Variants in FXR2 observed in about 807,000 individuals in gnomAD.
FXR2 encodes the protein RNA-binding protein FXR2.
Under a neutral mutation model 87.3 loss-of-function variants are expected in FXR2, and 9 were observed. The observed-to-expected ratio is 0.10, with a 90% confidence interval of 0.06 to 0.18. The LOEUF is 0.18. Among genes scored for constraint, FXR2 ranks in the 10% least tolerant of loss-of-function variants. FXR2 has a pLI of 1.00. For synonymous variants in FXR2, 331 were observed against 328.3 expected (o/e 1.01, Z -0.09); for missense variants, 661 against 893.6 (o/e 0.74, Z 3.32).
chr17:7,592,439 C>T lies in FXR2; in HGVS notation c.1825+65G>A. ...CCACTGAACCCGAACCCCTGATTTT[C>T]ACAGGGGTGAGCATCCCATTCTCTC... On this transcript the variant is annotated intron_variant, in intron 15 of 16. Coordinates refer to ENST00000250113, the MANE Select transcript of FXR2 (RefSeq NM_004860.4). The surrounding 1 kb of genome is among the most constrained non-coding windows in gnomAD (Gnocchi z 4.8). 1 of 1,554,970 alleles carries T rather than the reference C, an allele frequency of 6.4e-7. No individual in the cohort carries two copies. The highest frequency in any genetic ancestry group is 1.4e-5 in the African/African-American group (1 of 73,842).
Position 7,591,533 on chromosome 17 carries a change from G to A in FXR2, c.*297C>T, listed in dbSNP as rs2071659860. The A allele has an allele frequency of 2.7e-6, 1 of 367,398 alleles. No individual in the cohort carries two copies. Among genetic ancestry groups the A allele is most frequent in the African/African-American group, 2.1e-5 (1 of 46,784 alleles). 22.8% of individuals were successfully genotyped at this position (367,398 alleles called of 1,614,324 possible). A position where few individuals can be genotyped will look rare whatever the true frequency, so the allele number is the denominator to read the frequency against. On this transcript the variant is annotated 3_prime_UTR_variant, in exon 17 of 17. Transcript: ENST00000250113. This position sits in a 1 kb window ranked among gnomAD's most constrained non-coding sequence, Gnocchi z 4.0. ...CGAGGAGCACCCCCCACCAACAGGT[G>A]GAGAATGGGGGTGTTCAGAGAGAGA...
Position 7,592,681 on chromosome 17 carries a change from G to A in FXR2, c.1729+13C>T, listed in dbSNP as rs1485249636. On this transcript the variant is annotated intron_variant, in intron 14 of 16. Coordinates refer to ENST00000250113, the MANE Select transcript of FXR2 (RefSeq NM_004860.4). This position sits in a 1 kb window ranked among gnomAD's most constrained non-coding sequence, Gnocchi z 4.8. ...CCCATCTCTAACTTTCCAGACCCCA[G>A]GCACACCCTCACCCAGGCCATTCTC... 6.2e-7 allele frequency: 1 copy of A among 1,613,410 alleles called. No individual in the cohort carries two copies.
intron 7 of FXR2, among the ~76,000 whole-genome samples, chr17:7,597,048 C>T (rs972564207): frequency 3.9e-5 from 6 of 151,928 alleles, no homozygotes; most frequent in Non-Finnish European, 7.4e-5. Context: ...TACAGTGAGC[C>T]GAGGTCATGC....
At chr17:7,599,955 T>C (rs1285966171) in intron 7 of FXR2, among the ~76,000 whole-genome samples, 1 of 152,064 alleles carries the variant, frequency 6.6e-6, no homozygotes, top group East Asian at 1.9e-4. Flanking sequence ...TGGAGTACAA[T>C]GGTGTGATCT....
intron 1 of FXR2, chr17:7,614,053 G>A (rs2071906435): frequency 2.1e-6 from 1 of 469,520 alleles, no homozygotes; most frequent in African/African-American, 2.0e-5. Flanking sequence ...GGGACCGTGT[G>A]GAAGAAAGAC....
intron 1 of FXR2, among the ~76,000 whole-genome samples, chr17:7,609,891 T>G (rs191271273): frequency 6.8e-6 from 1 of 148,048 alleles, no homozygotes; most frequent in East Asian, 2.0e-4. Context: ...CATATACATA[T>G]ATATACACAT....
chr17:7,591,595 T>G lies in FXR2; in HGVS notation c.*235A>C. 1.8e-6 allele frequency: 1 copy of G among 542,452 alleles called. No individual in the cohort carries two copies. The highest frequency in any genetic ancestry group is 2.0e-5 in the South Asian group (1 of 50,082). 33.6% of individuals were successfully genotyped at this position (542,452 alleles called of 1,614,324 possible). On this transcript the variant is annotated 3_prime_UTR_variant, in exon 17 of 17. Coordinates refer to ENST00000250113, the MANE Select transcript of FXR2 (RefSeq NM_004860.4). The surrounding 1 kb of genome is among the most constrained non-coding windows in gnomAD (Gnocchi z 4.0). ...GAGGATAAAGGCACATCCAGTCTGA[T>G]GGGGAAGGAGAGAGGCTCCCCTTAC... is the stretch of plus-strand genomic sequence containing the variant.
At chr17:7,611,875 G>C (rs1374440845) in intron 1 of FXR2, among the ~76,000 whole-genome samples, 2 of 152,120 alleles carry the variant, frequency 1.3e-5, no homozygotes, top group African/African-American at 2.4e-5. Flanking sequence ...TGGAAGATTA[G>C]CCTGAATTTA....
At chr17:7,612,951 G>A (rs1444947881) in intron 1 of FXR2, among the ~76,000 whole-genome samples, 3 of 124,554 alleles carry the variant, frequency 2.4e-5, no homozygotes, top group Non-Finnish European at 4.7e-5. Flanking sequence ...AGCCAAGATC[G>A]CACCACTGCA....
Position 7,592,795 on chromosome 17 carries a change from G to A in FXR2, c.1628C>T (p.Ala543Val). Residue 543 changes from alanine to valine, a missense_variant, in exon 14 of 17, where the codon GCC (alanine) becomes GTC (valine). Transcript: ENST00000250113. The surrounding 1 kb of genome is among the most constrained non-coding windows in gnomAD (Gnocchi z 4.8). Reference sequence around the variant, plus strand: ...GCGGCGGCGGGAGCGGCGGCGCCTGGCACTTGCTGGGGGGGGTTCCCCAGG... The same window carrying A: ...GCGGCGGCGGGAGCGGCGGCGCCTGACACTTGCTGGGGGGGGTTCCCCAGG... ...SEPGEPPPAS[A>V]RRRRSRRRRT... is the part of the protein sequence containing the mutation. The A allele has an allele frequency of 1.2e-6, 2 of 1,613,708 alleles. No individual in the cohort carries two copies. Among genetic ancestry groups the A allele is most frequent in the South Asian group, 1.1e-5 (1 of 91,060 alleles).
intron 1 of FXR2, among the ~76,000 whole-genome samples, chr17:7,607,666 T>C (rs2071814373): frequency 6.6e-6 from 1 of 152,148 alleles, no homozygotes; most frequent in Non-Finnish European, 1.5e-5. Flanking sequence ...TGACCTCAGG[T>C]GATCCATCTG....
intron 7 of FXR2, among the ~76,000 whole-genome samples, chr17:7,599,792 C>T (rs1419100555): frequency 9.2e-5 from 14 of 151,986 alleles, no homozygotes; most frequent in African/African-American, 2.9e-4. Flanking sequence ...GCAGGAGAAT[C>T]GCTTCAATCT....
chr17:7,592,316 T>C lies in FXR2; in HGVS notation c.1864A>G (p.Ser622Gly). The C allele has an allele frequency of 1.2e-6, 2 of 1,613,456 alleles. No homozygotes were observed. The highest frequency in any genetic ancestry group is 1.7e-6 in the Non-Finnish European group (2 of 1,179,396). The change falls in exon 16 of 17, where the codon AGC becomes GGC. Residue 622 changes from serine (S) to glycine (G), a missense_variant. Transcript: ENST00000250113. The surrounding 1 kb of genome is among the most constrained non-coding windows in gnomAD (Gnocchi z 4.8). ...ADYISRAESQ[S>G]RQRPPLERTK... Reference sequence around the variant, plus strand: ...CGTTCCAGGGGTGGCCTCTGGCGGCTCTGAGACTCTGCTCGTGAGATATAG... The same window carrying C: ...CGTTCCAGGGGTGGCCTCTGGCGGCCCTGAGACTCTGCTCGTGAGATATAG...
chr17:7,592,405 C>A lies in FXR2; in HGVS notation c.1826-51G>T. ...TTCAGATGGAATTCTGGTAGCCAGC[C>A]TAAGACACCCACTGAACCCGAACCC... is the stretch of plus-strand genomic sequence containing the variant. On this transcript the variant is annotated intron_variant, in intron 15 of 16. Transcript: ENST00000250113. The surrounding 1 kb of genome is among the most constrained non-coding windows in gnomAD (Gnocchi z 4.8). The A allele has an allele frequency of 6.5e-7, 1 of 1,543,882 alleles. No individual in the cohort carries two copies. The highest frequency in any genetic ancestry group is 9.0e-7 in the Non-Finnish European group (1 of 1,116,046).
intron 1 of FXR2, among the ~76,000 whole-genome samples, chr17:7,608,517 C>T (rs771005486): frequency 4.0e-5 from 6 of 150,836 alleles, no homozygotes; most frequent in South Asian, 2.1e-4. Flanking sequence ...TTCAGGGTGG[C>T]TGAGGCATGA....
chr17:7,594,026 C>G lies in FXR2; in HGVS notation c.1021-22G>C. ...TTCCCTAGAGAACAGAGAGCAGAAA[C>G]GATGGATCAGAAAGGAAAATGAAAT... On this transcript the variant is annotated intron_variant, in intron 10 of 16. Transcript: ENST00000250113. This position sits in a 1 kb window ranked among gnomAD's most constrained non-coding sequence, Gnocchi z 5.1. The G allele has an allele frequency of 6.8e-7, 1 of 1,464,848 alleles. No homozygotes were observed. Among genetic ancestry groups the G allele is most frequent in the South Asian group, 1.1e-5 (1 of 88,148 alleles). 90.7% of individuals were successfully genotyped at this position (1,464,848 alleles called of 1,614,324 possible).
Position 7,593,854 on chromosome 17 carries a change from T to A in FXR2, c.1107+64A>T. On this transcript the variant is annotated intron_variant, in intron 11 of 16. Coordinates refer to ENST00000250113, the MANE Select transcript of FXR2 (RefSeq NM_004860.4). This position sits in a 1 kb window ranked among gnomAD's most constrained non-coding sequence, Gnocchi z 6.1. ...AAACAGAGAACCAAAATCCCTGAGC[T>A]GACCCCCACAGCAGTCTTAGTTCCC... 9.4e-7 allele frequency: 1 copy of A among 1,063,064 alleles called. No homozygotes were observed. Among genetic ancestry groups the A allele is most frequent in the East Asian group, 2.4e-5 (1 of 42,332 alleles). 65.9% of individuals were successfully genotyped at this position (1,063,064 alleles called of 1,614,324 possible). A position where few individuals can be genotyped will look rare whatever the true frequency, so the allele number is the denominator to read the frequency against.
chr17:7,603,971 G>C, intron 4 of FXR2, 38 bp downstream of exon 4: 1 of 1,604,966 alleles, frequency 6.2e-7, no homozygotes, highest in Non-Finnish European at 8.5e-7. Flanking sequence ...TAACATATTT[G>C]TTTCAGTAGT....
In FXR2 at chr17:7,609,883, T is replaced by C. The variant is rs115345034; in HGVS notation, c.82-3734A>G. Among the ~76,000 whole-genome samples the C allele has an allele frequency of 9.3e-3, 1,376 of 148,492 alleles. 30 individuals carry two copies. The highest frequency in any genetic ancestry group is 0.031 in the African/African-American group (1,251 of 40,530). ...TTGCTACTATATATATATGTATACA[T>C]ATACATATATATACACATACATATA... On this transcript the variant is annotated intron_variant, in intron 1 of 16. Transcript: ENST00000250113.
Sources: allele counts gnomAD v4.1 joint callset (sites outside exome capture counted in the v4.1 genomes callset), GRCh38; gene constraint gnomAD v4.1.1; non-coding constraint Gnocchi (gnomAD v3.1); transcripts MANE v1.5; gene names NCBI Gene and HGNC (gene_info 2026-07-23, HGNC 2026-07-21).